The following PABPC4L variants were observed in gnomAD, a reference collection of about 807,000 sequenced individuals.
PABPC4L encodes poly(A) binding protein cytoplasmic 4 like.
For missense variants in PABPC4L, 452 were observed against 451.4 expected (o/e 1.00, Z -0.01); for synonymous variants, 169 against 164.1 (o/e 1.03, Z -0.23).
At chr4:134,133,102 ATAATTATATATTATATAATATAT>A in the PABPC4L span, among the ~76,000 whole-genome samples, 1 of 17,078 alleles carries the variant, frequency 5.9e-5, no homozygotes, top group African/African-American at 5.9e-4. Flanking sequence ...TATATTACAT[ATAATTATATATTATATAATATAT>A]CATATTACAT....
chr4:134,030,177 T>A, the PABPC4L span, among the ~76,000 whole-genome samples: 1 of 151,918 alleles, frequency 6.6e-6, no homozygotes, highest in African/African-American at 2.4e-5. Flanking sequence ...AATAAATTGG[T>A]ACTGGGTGGG....
the PABPC4L span, among the ~76,000 whole-genome samples, chr4:134,190,808 C>T: frequency 6.6e-6 from 1 of 152,104 alleles, no homozygotes; most frequent in South Asian, 2.1e-4. Flanking sequence ...CACCTCACCA[C>T]GCCTAGCTGA....
the PABPC4L span, among the ~76,000 whole-genome samples, chr4:134,163,098 T>G: frequency 4.6e-5 from 7 of 152,150 alleles, no homozygotes; most frequent in East Asian, 1.9e-4. Flanking sequence ...TAAATAAAAT[T>G]GATAGACCAT....
At chr4:134,054,246 GTATATGTATATATATATATA>G in the PABPC4L span, among the ~76,000 whole-genome samples, 317 of 74,064 alleles carry the variant, frequency 4.3e-3, 3 homozygotes, top group Admixed American at 0.015. Flanking sequence ...TACTTTAGTT[GTATATGTATATATATATATA>G]TATATATATA....
the PABPC4L span, among the ~76,000 whole-genome samples, chr4:134,044,439 A>AT: frequency 6.6e-6 from 1 of 151,068 alleles, no homozygotes; most frequent in Non-Finnish European, 1.5e-5. Flanking sequence ...AATTTTTTGT[A>AT]TTTTTTAATA....
the PABPC4L span, among the ~76,000 whole-genome samples, chr4:134,183,090 C>A: frequency 6.6e-6 from 1 of 151,980 alleles, no homozygotes; most frequent in Non-Finnish European, 1.5e-5. Context: ...TTCAACCCAG[C>A]AATCCCATTA....
At chr4:134,084,542 G>T in the PABPC4L span, among the ~76,000 whole-genome samples, 614 of 152,064 alleles carry the variant, frequency 4.0e-3, 8 homozygotes, top group Non-Finnish European at 6.2e-3. Flanking sequence ...TATCTTAGAA[G>T]TGACATTATA....
the PABPC4L span, among the ~76,000 whole-genome samples, chr4:134,097,506 CCTGATGTTATA>C: frequency 6.6e-6 from 1 of 151,662 alleles, no homozygotes; most frequent in South Asian, 2.1e-4. Context: ...GAAACAAAAC[CCTGATGTTATA>C]CTCATAATTC....
the PABPC4L span, among the ~76,000 whole-genome samples, chr4:134,190,621 T>C: frequency 6.6e-6 from 1 of 152,096 alleles, no homozygotes; most frequent in Non-Finnish European, 1.5e-5. Context: ...ATAGTTTATA[T>C]AATCATTGTA....
the PABPC4L span, among the ~76,000 whole-genome samples, chr4:134,145,070 T>G: frequency 1.3e-5 from 2 of 151,802 alleles, no homozygotes; most frequent in Non-Finnish European, 2.9e-5. Context: ...GTAAATTGCT[T>G]GGTCTTTCCT....
At chr4:134,119,967 T>C in the PABPC4L span, among the ~76,000 whole-genome samples, 8 of 151,742 alleles carry the variant, frequency 5.3e-5, no homozygotes, top group Admixed American at 3.3e-4. Context: ...ATTTTAACCT[T>C]GAAGGACATT....
chr4:134,039,564 A>G, the PABPC4L span, among the ~76,000 whole-genome samples: 1 of 151,988 alleles, frequency 6.6e-6, no homozygotes, highest in Non-Finnish European at 1.5e-5. Context: ...TGATTCCTTT[A>G]CCATTATAGA....
At chr4:134,083,216 A>C in the PABPC4L span, among the ~76,000 whole-genome samples, 1 of 152,166 alleles carries the variant, frequency 6.6e-6, no homozygotes, top group East Asian at 1.9e-4. Flanking sequence ...GAGTCTCTGA[A>C]TTGGAAGATG....
At chr4:134,023,402 T>C in the PABPC4L span, among the ~76,000 whole-genome samples, 5 of 152,146 alleles carry the variant, frequency 3.3e-5, no homozygotes, top group African/African-American at 1.2e-4. Flanking sequence ...TACTCCATCA[T>C]CTTCCCAGAG....
At chr4:134,031,638 A>G in the PABPC4L span, among the ~76,000 whole-genome samples, 2 of 151,938 alleles carry the variant, frequency 1.3e-5, no homozygotes, top group African/African-American at 4.8e-5. Context: ...TTCTAACTGT[A>G]TGTAATAAGG....
the PABPC4L span, among the ~76,000 whole-genome samples, chr4:134,179,842 C>T: frequency 5.3e-5 from 8 of 152,066 alleles, no homozygotes; most frequent in African/African-American, 1.9e-4. Flanking sequence ...ACTTAACTAT[C>T]CTGCACATAT....
At chr4:134,143,259 TTAA>T in the PABPC4L span, among the ~76,000 whole-genome samples, 26 of 150,448 alleles carry the variant, frequency 1.7e-4, no homozygotes, top group African/African-American at 5.1e-4. Context: ...TAATAATATC[TTAA>T]TAATAAGCAT....
chr4:134,047,223 AAAAG>A, the PABPC4L span, among the ~76,000 whole-genome samples: 1 of 152,144 alleles, frequency 6.6e-6, no homozygotes, highest in Non-Finnish European at 1.5e-5. Flanking sequence ...GGTGGTTCAG[AAAAG>A]AAAGAATTGG....
At chr4:134,007,178 A>G in the PABPC4L span, among the ~76,000 whole-genome samples, 3 of 151,888 alleles carry the variant, frequency 2.0e-5, no homozygotes, top group Non-Finnish European at 2.9e-5. Flanking sequence ...AAGACTAAGC[A>G]TAAGATATGA....
Sources: gnomAD v4.1 joint callset for allele counts (sites outside exome capture counted in the v4.1 genomes callset) on GRCh38, gnomAD v4.1.1 for gene constraint, MANE v1.5 for transcripts, NCBI Gene and HGNC (gene_info 2026-07-23, HGNC 2026-07-21) for gene names.